SEMA3C: variants seen among roughly 807,000 people sequenced by gnomAD.
SEMA3C encodes semaphorin-3C.
In SEMA3C, 47 loss-of-function variants were observed where a neutral mutation model predicts 89.4. The observed-to-expected ratio is 0.53, with a 90% CI of 0.42 to 0.67. SEMA3C has a LOEUF of 0.67. Ranked by LOEUF, SEMA3C falls within the 30% of genes least tolerant of loss-of-function variation. The pLI, the probability that SEMA3C is intolerant of heterozygous loss-of-function variation, is 0.00. For missense variants in SEMA3C, 839 were observed against 929.1 expected, an observed-to-expected ratio of 0.90 and a Z score of 1.26; for synonymous variants, 310 against 320.2, an observed-to-expected ratio of 0.97 and a Z score of 0.34.
rs748225370 is a variant in SEMA3C, at chr7:80,805,676, C to T, written c.621G>A (p.Ala207=). 9 of 1,611,430 alleles carry T rather than the reference C, an allele frequency of 5.6e-6. No individual in the cohort carries two copies. The highest frequency in any genetic ancestry group is 2.2e-5 in the South Asian group (2 of 90,804). Residue 207 remains alanine, a synonymous_variant, in exon 7 of 18, where the codon GCG becomes GCA. Coordinates refer to ENST00000265361, the MANE Select transcript of SEMA3C (RefSeq NM_006379.5). The part of the protein sequence containing the change: ...AIFRSLTKRN[A]VRTDQHNSKW... ...TGGAATTATGTTGATCAGTTCTGAC[C>T]GCATTCCTCTTGGTTAAACTTCGAA... is the stretch of plus-strand genomic sequence containing the variant.
chr7:80,775,058 AT>A lies in SEMA3C; in HGVS notation c.1355-9816del, dbSNP rs552771415. 1.6e-3 allele frequency among the ~76,000 whole-genome samples: 245 copies of A among 152,198 alleles called. 1 individual carries two copies. The highest frequency in any genetic ancestry group is 3.4e-3 in the Middle Eastern group (1 of 292). ...GAAGCCAAGAAGATAATGGAATGGCATTTTTTTAAATGCTGAAAGAAAAGAC... is the reference window on the plus strand; with the variant it reads ...GAAGCCAAGAAGATAATGGAATGGCATTTTTTAAATGCTGAAAGAAAAGAC... On this transcript the variant is annotated intron_variant, in intron 12 of 17. Transcript: ENST00000265361.
chr7:80,875,062 C>T (rs930318921), intron 2 of SEMA3C, among the ~76,000 whole-genome samples: 5 of 149,440 alleles, frequency 3.3e-5, no homozygotes, highest in South Asian at 4.2e-4. Context: ...CCAGCCTGGG[C>T]GATGGAGCAA....
chr7:80,793,414 T>C (rs773795819), intron 11 of SEMA3C: 1 of 410,094 alleles, frequency 2.4e-6, no homozygotes. Context: ...CTTGAGCATA[T>C]TTTATCCAAA....
intron 2 of SEMA3C, among the ~76,000 whole-genome samples, chr7:80,879,085 C>T (rs542314570): frequency 1.7e-4 from 26 of 151,904 alleles, no homozygotes; most frequent in Admixed American, 6.6e-4. Flanking sequence ...ATTGTAGAGG[C>T]CTGGAAACCA....
chr7:80,845,118 AGGGTAGCCACAT>A (rs1224504267), intron 2 of SEMA3C, among the ~76,000 whole-genome samples: 1 of 152,128 alleles, frequency 6.6e-6, no homozygotes, highest in African/African-American at 2.4e-5. Flanking sequence ...CTGTTTACAA[AGGGTAGCCACAT>A]GGCTCAGCTT....
At chr7:80,889,008 C>T (rs371669016) in intron 2 of SEMA3C, among the ~76,000 whole-genome samples, 4 of 151,976 alleles carry the variant, frequency 2.6e-5, no homozygotes, top group East Asian at 1.9e-4. Flanking sequence ...GGATTAGAGA[C>T]GTGTGCCACC....
At chr7:80,864,156 T>C (rs1465499732) in intron 2 of SEMA3C, among the ~76,000 whole-genome samples, 1 of 151,958 alleles carries the variant, frequency 6.6e-6, no homozygotes, top group African/African-American at 2.4e-5. Context: ...AAAACCAAAC[T>C]TTGTATGCTG....
intron 2 of SEMA3C, among the ~76,000 whole-genome samples, chr7:80,836,679 A>AAAACAAACAAAC (rs201820910): frequency 0.022 from 3,336 of 150,958 alleles, 59 homozygotes; most frequent in Non-Finnish European, 0.034. Flanking sequence ...CTCCATCTCA[A>AAAACAAACAAAC]AAACAAACAA....
chr7:80,820,707 A>G (rs1445663033), intron 4 of SEMA3C, among the ~76,000 whole-genome samples: 1 of 152,194 alleles, frequency 6.6e-6, no homozygotes, highest in Non-Finnish European at 1.5e-5. Context: ...TTATAGAGGT[A>G]CCTGGAAATT....
intron 6 of SEMA3C, among the ~76,000 whole-genome samples, chr7:80,806,998 G>A (rs1789356096): frequency 6.6e-6 from 1 of 152,064 alleles, no homozygotes; most frequent in South Asian, 2.1e-4. Flanking sequence ...TTGTTGCTCA[G>A]CTCTGCTTCC....
intron 9 of SEMA3C, among the ~76,000 whole-genome samples, chr7:80,801,161 C>A (rs1039333148): frequency 3.3e-5 from 5 of 151,898 alleles, no homozygotes; most frequent in African/African-American, 4.8e-5. Flanking sequence ...ATAAGATTAA[C>A]AGTGAGTGTT....
chr7:80,789,562 A>C (rs1357639674), intron 11 of SEMA3C, 34 bp from the exon 12 acceptor site: 1 of 1,431,588 alleles, frequency 7.0e-7, no homozygotes, highest in Non-Finnish European at 9.5e-7. Context: ...CAAGTTAATA[A>C]AATAGTTGTC....
chr7:80,863,817 ATATATGT>A (rs1241617469), intron 2 of SEMA3C, among the ~76,000 whole-genome samples: 10 of 123,606 alleles, frequency 8.1e-5, no homozygotes, highest in Admixed American at 7.6e-4. Flanking sequence ...TGTGATACAT[ATATATGT>A]GATATGTGAT....
intron 3 of SEMA3C, 99 bp downstream of exon 3, chr7:80,828,486 T>C (rs1244215071): frequency 7.3e-6 from 7 of 962,108 alleles, no homozygotes; most frequent in Non-Finnish European, 1.0e-5. Flanking sequence ...TATTTTCTAT[T>C]GTTCTAATAA....
At chr7:80,842,964 C>A (rs1247847211) in intron 2 of SEMA3C, among the ~76,000 whole-genome samples, 2 of 152,038 alleles carry the variant, frequency 1.3e-5, no homozygotes, top group Admixed American at 6.6e-5. Context: ...ATTTTCACAT[C>A]CAGGTGTAAA....
chr7:80,905,716 A>G, intron 2 of SEMA3C: 1 of 487,582 alleles, frequency 2.1e-6, no homozygotes, highest in East Asian at 6.9e-5. Context: ...AACTAGTTTA[A>G]GATAATTTTT....
chr7:80,837,743 C>CAT (rs1485230619), intron 2 of SEMA3C, among the ~76,000 whole-genome samples: 3 of 152,166 alleles, frequency 2.0e-5, no homozygotes, highest in Non-Finnish European at 4.4e-5. Context: ...AGGGCTGTCT[C>CAT]ATAAAAGCTT....
At chr7:80,860,445 C>T (rs1330865698) in intron 2 of SEMA3C, among the ~76,000 whole-genome samples, 1 of 152,096 alleles carries the variant, frequency 6.6e-6, no homozygotes, top group Admixed American at 6.6e-5. Context: ...TCTGGACATA[C>T]AATAGATCCA....
At chr7:80,919,144 C>T (rs1303866676), upstream of SEMA3C, 2 of 984,512 alleles carry the variant, frequency 2.0e-6, no homozygotes, top group East Asian at 2.3e-4. Context: ...GCGCGCCGCC[C>T]TGCAGGCTCG....
Sources: gnomAD v4.1 joint callset for allele counts (sites outside exome capture counted in the v4.1 genomes callset) on GRCh38, gnomAD v4.1.1 for gene constraint, MANE v1.5 for transcripts, NCBI Gene and HGNC (gene_info 2026-07-23, HGNC 2026-07-21) for gene names.